MCF2L: variants seen among roughly 807,000 people sequenced by gnomAD.
The protein encoded by MCF2L is guanine nucleotide exchange factor DBS.
A neutral mutation model predicts 153.4 loss-of-function variants in MCF2L; 97 were observed. That is an observed-to-expected ratio of 0.63 (90% CI 0.54 to 0.75). The LOEUF (loss-of-function observed/expected upper bound fraction) is 0.75, where lower values mean the gene tolerates loss of function less well. Ranked by LOEUF, MCF2L falls within the 30% of genes least tolerant of loss-of-function variation. The pLI is 0.00. For missense variants in MCF2L, 1,347 were observed against 1,495.2 expected, an observed-to-expected ratio of 0.90 and a Z score of 1.64; for synonymous variants, 659 against 632.2, an observed-to-expected ratio of 1.04 and a Z score of -0.64.
intron 1 of MCF2L, among the ~76,000 whole-genome samples, chr13:112,999,545 C>A (rs897679653): frequency 4.6e-5 from 7 of 152,366 alleles, no homozygotes; most frequent in Admixed American, 3.3e-4. Context: ...CGCTGTACGG[C>A]TGGCTGCCTG....
chr13:113,040,437 T>TGTGTGTGTGTGTG (rs10528245), intron 3 of MCF2L: 14 of 142,912 alleles, frequency 9.8e-5, no homozygotes, highest in Non-Finnish European at 1.2e-4. Context: ...TGTGTGTGTG[T>TGTGTGTGTGTGTG]TTCTTTTCCT....
intron 3 of MCF2L, chr13:113,040,904 C>G (rs141391852): frequency 6.6e-6 from 1 of 152,190 alleles, no homozygotes; most frequent in South Asian, 2.1e-4. Context: ...CCCAAGGTCA[C>G]GAGCCCTGAG....
intron 2 of MCF2L, among the ~76,000 whole-genome samples, chr13:113,023,504 G>C (rs1438355211): frequency 1.3e-5 from 2 of 152,194 alleles, no homozygotes; most frequent in African/African-American, 4.8e-5. Context: ...CAAGGCGGCG[G>C]GGGACTGTCG....
rs2035472858 is a variant in MCF2L, at chr13:113,094,400, G to A, written c.2954-114G>A. ...CCGGGAAGATGACAGGCTCTGTTGG[G>A]GGCCCACGGCACACATTTCAGGGGG... On this transcript the variant is annotated intron_variant, in intron 26 of 29. Coordinates refer to ENST00000535094, the MANE Select transcript of MCF2L (RefSeq NM_001112732.3). The A allele has an allele frequency of 6.3e-6, 7 of 1,115,580 alleles. No homozygotes were observed. The South Asian group carries it at 8.6e-5, about 14-fold the overall frequency. 69.1% of individuals were successfully genotyped at this position (1,115,580 alleles called of 1,614,324 possible). A position where few individuals can be genotyped will look rare whatever the true frequency, so the allele number is the denominator to read the frequency against.
intron 15 of MCF2L, among the ~76,000 whole-genome samples, chr13:113,080,362 CAGA>C (rs1377003743): frequency 1.3e-5 from 2 of 152,150 alleles, no homozygotes; most frequent in African/African-American, 2.4e-5. Flanking sequence ...CCCTGAGACG[CAGA>C]AGGAGTGGCC....
At chr13:113,086,578 G>A (rs775701309) in intron 21 of MCF2L, among the ~76,000 whole-genome samples, 34 of 152,166 alleles carry the variant, frequency 2.2e-4, no homozygotes, top group Non-Finnish European at 3.5e-4. Context: ...GGCGTGGCTC[G>A]GAGCAGACGT....
rs1231007080 is a variant in MCF2L at position 113,031,205 on chromosome 13, CAGAGACAGAGACAGAG to C, written c.278+6459_278+6474del. 7.1e-6 allele frequency among the ~76,000 whole-genome samples: 1 copy of C among 140,688 alleles called. No homozygotes were observed. Among genetic ancestry groups the C allele is most frequent in the Non-Finnish European group, 1.6e-5 (1 of 63,024 alleles). The allele number at this position is 140,688 out of a possible 152,430, so 92.3% of individuals were successfully genotyped here. ...ACAGAGACAGAGAGACAGAGACAGACAGAGACAGAGACAGAGAGAGACAGAGAGAAGAGACAGAGAG... is the reference window on the plus strand; with the variant it reads ...ACAGAGACAGAGAGACAGAGACAGACAGAGACAGAGAGAAGAGACAGAGAG... On this transcript the variant is annotated intron_variant, in intron 3 of 29. Coordinates refer to ENST00000535094, the MANE Select transcript of MCF2L (RefSeq NM_001112732.3). The surrounding 1 kb of genome is among the most constrained non-coding windows in gnomAD (Gnocchi z 5.5).
intron 1 of MCF2L, among the ~76,000 whole-genome samples, chr13:112,981,414 T>C (rs2082420885): frequency 6.6e-6 from 1 of 152,198 alleles, no homozygotes; most frequent in African/African-American, 2.4e-5. Flanking sequence ...TCTGCGGTGC[T>C]CTGGTCCCCC....
Position 113,096,754 on chromosome 13 carries a change from C to G in MCF2L, c.3293-20C>G, listed in dbSNP as rs1566894723. On this transcript the variant is annotated intron_variant, in intron 29 of 29. Transcript: ENST00000535094. The stretch of plus-strand genomic sequence containing the variant: ...GGCAGAGCCGACGCCGAAGCCCGTC[C>G]CCGCCTGATCTCCCCGCAGAGTCGA... 1.3e-6 allele frequency: 2 copies of G among 1,562,442 alleles called. No homozygotes were observed. The highest frequency in any genetic ancestry group is 1.7e-6 in the Non-Finnish European group (2 of 1,162,274).
chr13:113,033,351 A>C (rs75591362), intron 3 of MCF2L, among the ~76,000 whole-genome samples: 190 of 13,582 alleles, frequency 0.014, no homozygotes, highest in Middle Eastern at 0.038. Context: ...ACATTAGTGG[A>C]CCCCGTGGCG....
rs375901320 is a variant in MCF2L, at chr13:113,022,587, G to T, written c.164-2057G>T. On this transcript the variant is annotated intron_variant, in intron 2 of 29. Coordinates refer to ENST00000535094, the MANE Select transcript of MCF2L (RefSeq NM_001112732.3). ...TCAGGGAAAGGAAAGGCAGGCGCAG[G>T]CTGCGGCCGTTTCCACAATCCACCT... Among the ~76,000 whole-genome samples, 174 of 152,378 alleles carry T rather than the reference G, an allele frequency of 1.1e-3. 1 individual carries two copies. The highest frequency in any genetic ancestry group is 3.7e-3 in the African/African-American group (152 of 41,584).
intron 2 of MCF2L, among the ~76,000 whole-genome samples, chr13:112,948,663 T>A (rs2081661060): frequency 6.6e-6 from 1 of 152,184 alleles, no homozygotes; most frequent in Non-Finnish European, 1.5e-5. Flanking sequence ...CTCAAATCAA[T>A]CTCAGCTTCT....
chr13:112,944,595 G>A (rs2081616698), intron 2 of MCF2L, among the ~76,000 whole-genome samples: 1 of 143,636 alleles, frequency 7.0e-6, no homozygotes, highest in Non-Finnish European at 1.5e-5. Flanking sequence ...TTTTTGAGAC[G>A]GAGTCTCGCT....
chr13:113,096,868 CGGCGCCGGAG>C lies in MCF2L; in HGVS notation c.*10_*19del. 1 of 1,416,052 alleles carries C rather than the reference CGGCGCCGGAG, an allele frequency of 7.1e-7. No homozygotes were observed. The highest frequency in any genetic ancestry group is 1.5e-5 in the South Asian group (1 of 65,938). 87.7% of individuals were successfully genotyped at this position (1,416,052 alleles called of 1,614,324 possible). A position where few individuals can be genotyped will look rare whatever the true frequency, so the allele number is the denominator to read the frequency against. ...CCGACCTGCAGGGGTAGCGCGGCCT[CGGCGCCGGAG>C]ACCCGCGCGCTGTCTGGGGCTGCGG... is the stretch of plus-strand genomic sequence containing the variant. On this transcript the variant is annotated 3_prime_UTR_variant, in exon 30 of 30. Transcript: ENST00000535094.
At chr13:113,090,583 C>T (rs2035112016) in intron 26 of MCF2L, 1 of 985,306 alleles carries the variant, frequency 1.0e-6, no homozygotes, top group African/African-American at 1.7e-5. Flanking sequence ...GCTGATGGGA[C>T]CCTTGAGACG....
At chr13:112,972,574 A>G (rs1470904389) in intron 1 of MCF2L, among the ~76,000 whole-genome samples, 2 of 134,314 alleles carry the variant, frequency 1.5e-5, no homozygotes, top group Non-Finnish European at 3.2e-5. Context: ...AGGATGATGA[A>G]TGGGTAGATG....
chr13:113,061,813 C>T lies in MCF2L; in HGVS notation c.489+1101C>T, dbSNP rs1230434423. 1.1e-4 allele frequency among the ~76,000 whole-genome samples: 5 copies of T among 46,378 alleles called. 1 individual carries two copies. The highest frequency in any genetic ancestry group is 4.7e-4 in the African/African-American group (5 of 10,550). The allele number at this position is 46,378 out of a possible 152,430, so 30.4% of individuals were successfully genotyped here. A position where few individuals can be genotyped will look rare whatever the true frequency, so the allele number is the denominator to read the frequency against. On this transcript the variant is annotated intron_variant, in intron 5 of 29. Coordinates refer to ENST00000535094, the MANE Select transcript of MCF2L (RefSeq NM_001112732.3). ...CCCCTTCCCCTCCCTTCCCTCTCCC[C>T]CTTCCCCTCTTTTCTCTCCCCTCCC...
At chr13:113,013,594 AT>A (rs2084314129) in intron 1 of MCF2L, among the ~76,000 whole-genome samples, 1 of 152,190 alleles carries the variant, frequency 6.6e-6, no homozygotes, top group African/African-American at 2.4e-5. Flanking sequence ...TCCGCTGGGA[AT>A]TTCCAGGTAC....
At chr13:112,931,757 T>G (rs1406691136) in intron 2 of MCF2L, among the ~76,000 whole-genome samples, 1 of 152,102 alleles carries the variant, frequency 6.6e-6, no homozygotes, top group Non-Finnish European at 1.5e-5. Context: ...TGGATCATCT[T>G]ACAGTGACAG....
Sources: gnomAD v4.1 joint callset for allele counts (sites outside exome capture counted in the v4.1 genomes callset) on GRCh38, gnomAD v4.1.1 for gene constraint, Gnocchi (gnomAD v3.1) non-coding constraint, MANE v1.5 for transcripts, NCBI Gene and HGNC (gene_info 2026-07-23, HGNC 2026-07-21) for gene names.